Variants in OR10H1 observed in about 807,000 individuals in gnomAD.
The protein encoded by OR10H1 is olfactory receptor 10H1.
Under a neutral mutation model 13.1 loss-of-function variants are expected in OR10H1, and 12 were observed. The observed-to-expected ratio is 0.92, with a 90% CI of 0.59 to 1.48. The LOEUF (loss-of-function observed/expected upper bound fraction) is 1.48, where lower values mean the gene tolerates loss of function less well. Among genes scored for constraint, OR10H1 ranks in the 40% most tolerant of loss-of-function variants. The pLI is 0.00. For missense variants in OR10H1, 363 were observed against 413.1 expected (o/e 0.88, Z 1.05); for synonymous variants, 168 against 175.6 (o/e 0.96, Z 0.34).
intron 1 of OR10H1, among the ~76,000 whole-genome samples, chr19:15,814,216 G>A (rs1393913415): frequency 2.6e-5 from 4 of 152,022 alleles, no homozygotes; most frequent in African/African-American, 9.7e-5. Context: ...GTCCTTATAC[G>A]TTGTCACGTG....
In OR10H1 at chr19:15,807,884, C is replaced by G. The variant is rs61746478; in HGVS notation, c.154G>C (p.Glu52Gln). Residue 52 changes from glutamate to glutamine, a missense_variant, in exon 4 of 4, where the codon GAG (glutamate) becomes CAG (glutamine). By Grantham distance (29) the Glu-to-Gln change is conservative. Transcript: ENST00000641419. The stretch of plus-strand genomic sequence containing the variant: ...TACATGGGCGTGTGGAGGCTGCGCT[C>G]GCTCCAGACGGTGGCCATGATGAGC... ...NLLIMATVWS[E>Q]RSLHTPMYLF... is the part of the protein sequence containing the mutation. 7.4e-3 allele frequency: 11,943 copies of G among 1,613,524 alleles called. 107 individuals are homozygous for G. Among genetic ancestry groups the G allele is most frequent in the South Asian group, 0.027 (2,466 of 91,030 alleles).
At chr19:15,815,238 G>A (rs1385081539) in intron 1 of OR10H1, among the ~76,000 whole-genome samples, 1 of 152,106 alleles carries the variant, frequency 6.6e-6, no homozygotes, top group African/African-American at 2.4e-5. Flanking sequence ...CTACTCAGGA[G>A]GCTGAGGGAG....
At position 15,805,584 on chromosome 19, in the gene OR10H1, A is replaced by G. The variant is rs2088891668; in HGVS notation, c.*1497T>C. ...TGTCTCAGCCTCCTGAGTAGCTGGG[A>G]TTACAGGCACCTGCCACCACGCCTG... On this transcript the variant is annotated 3_prime_UTR_variant, in exon 4 of 4. Coordinates refer to ENST00000641419, the MANE Select transcript of OR10H1 (RefSeq NM_013940.4). The G allele has an allele frequency of 6.6e-6, 1 of 150,850 alleles. No individual in the cohort carries two copies. Among genetic ancestry groups the G allele is most frequent in the African/African-American group, 2.4e-5 (1 of 40,886 alleles). 9.3% of individuals were successfully genotyped at this position (150,850 alleles called of 1,614,324 possible). A position where few individuals can be genotyped will look rare whatever the true frequency, so the allele number is the denominator to read the frequency against.
chr19:15,809,635 C>T (rs557222907), intron 2 of OR10H1, among the ~76,000 whole-genome samples: 53 of 152,160 alleles, frequency 3.5e-4, no homozygotes, highest in African/African-American at 1.3e-3. Flanking sequence ...CTCTCTGTAC[C>T]TCCCTACCTC....
At chr19:15,815,122 C>T (rs542126396) in intron 1 of OR10H1, among the ~76,000 whole-genome samples, 2 of 151,996 alleles carry the variant, frequency 1.3e-5, no homozygotes, top group Admixed American at 6.6e-5. Flanking sequence ...GGGTGGATCA[C>T]GAGATCAGGA....
In OR10H1 at chr19:15,804,976, T is replaced by C. The variant is rs907002365; in HGVS notation, c.*2105A>G. 2.6e-5 allele frequency: 4 copies of C among 152,272 alleles called. No individual in the cohort carries two copies. The highest frequency in any genetic ancestry group is 4.8e-5 in the African/African-American group (2 of 41,478). 9.4% of individuals were successfully genotyped at this position (152,272 alleles called of 1,614,324 possible). On this transcript the variant is annotated 3_prime_UTR_variant, in exon 4 of 4. Transcript: ENST00000641419. ...TTTGCATTTCTCTGATGGCCAGTGA[T>C]GACGAGCATTTTTTCATATGTTTTT...
rs556534787 is a variant in OR10H1, at chr19:15,813,925, G to T, written c.-777-1047C>A. Among the ~76,000 whole-genome samples the T allele has an allele frequency of 2.0e-5, 3 of 152,100 alleles. No individual in the cohort carries two copies. In the East Asian group the frequency reaches 5.8e-4, roughly 29 times the overall value. Reference sequence around the variant, plus strand: ...GGGAAAGAGAAGAAAAAGGTGAGAAGAAAGAGAGAGAGCAAGCAAGCCCAC... The same window carrying T: ...GGGAAAGAGAAGAAAAAGGTGAGAATAAAGAGAGAGAGCAAGCAAGCCCAC... On this transcript the variant is annotated intron_variant, in intron 1 of 3. Coordinates refer to ENST00000641419, the MANE Select transcript of OR10H1 (RefSeq NM_013940.4).
rs143971774 is a variant in OR10H1 at position 15,805,855 on chromosome 19, C to G, written c.*1226G>C. ...TTCTAACACAGCATTCGGTATCTCA[C>G]AGTGTGACTTTTTTCCTTGATCCAA... On this transcript the variant is annotated 3_prime_UTR_variant, in exon 4 of 4. Transcript: ENST00000641419. The G allele has an allele frequency of 1.7e-5, 1 of 58,394 alleles. No homozygotes were observed. The allele number at this position is 58,394 out of a possible 1,614,324, so 3.6% of individuals were successfully genotyped here.
intron 1 of OR10H1, among the ~76,000 whole-genome samples, chr19:15,815,306 A>T (rs1174550262): frequency 6.7e-6 from 1 of 148,834 alleles, no homozygotes; most frequent in Non-Finnish European, 1.5e-5. Flanking sequence ...GCGCCACTGC[A>T]CTCCAGCCTG....
rs371545486 is a variant in OR10H1, at chr19:15,812,742, G to GAGGA, written c.-645_-642dup. 11,565 of 147,962 alleles carry GAGGA rather than the reference G, an allele frequency of 0.078. 582 individuals are homozygous for GAGGA. The highest frequency in any genetic ancestry group is 0.12 in the Middle Eastern group (32 of 278). The allele number at this position is 147,962 out of a possible 1,614,324, so 9.2% of individuals were successfully genotyped here. On this transcript the variant is annotated 5_prime_UTR_variant, in exon 2 of 4. It removes the in-frame stop codon of an upstream open reading frame in the 5' UTR. Coordinates refer to ENST00000641419, the MANE Select transcript of OR10H1 (RefSeq NM_013940.4). ...GAAACGAGGGAGGGAGGAATGGAGG[G>GAGGA]AGGAAGGAAGGGAGGGAGGGAGAAA... is the stretch of plus-strand genomic sequence containing the variant.
intron 2 of OR10H1, among the ~76,000 whole-genome samples, chr19:15,811,284 C>T (rs1423068259): frequency 6.6e-6 from 1 of 152,180 alleles, no homozygotes; most frequent in East Asian, 1.9e-4. Context: ...AAGAAGAGGC[C>T]AAATGGGCGA....
chr19:15,807,697 A>G lies in OR10H1; in HGVS notation c.341T>C (p.Leu114Pro). ...GCGGTCGTAGCCCATGACGGTGAGC[A>G]GGAAGGAGTGGGTGAAGCCGAAGCT... ...SFSFGFTHSF[L>P]LTVMGYDRYV... The change falls in exon 4 of 4, where the codon CTG (leucine) becomes CCG (proline). Residue 114 changes from leucine (L) to proline (P), a missense_variant. This residue lies in a region of OR10H1 where 318 missense variants were observed against 366.6 expected (regional missense o/e 0.87). Coordinates refer to ENST00000641419, the MANE Select transcript of OR10H1 (RefSeq NM_013940.4). 1.2e-6 allele frequency: 2 copies of G among 1,613,996 alleles called. No individual in the cohort carries two copies. Among genetic ancestry groups the G allele is most frequent in the Non-Finnish European group, 1.7e-6 (2 of 1,179,942 alleles).
In OR10H1 at chr19:15,807,623, G is replaced by T. The variant is rs8103631; in HGVS notation, c.415C>A (p.Arg139=). Residue 139 remains arginine (R), a synonymous_variant, in exon 4 of 4, where the codon CGG becomes AGG. Coordinates refer to ENST00000641419, the MANE Select transcript of OR10H1 (RefSeq NM_013940.4). ...CAGCCCACCAGGCAGGCGCAGCCCC[G>T]CGGGCTCATGAGCACGTTGTAGCGC... is the stretch of plus-strand genomic sequence containing the variant. ...PLRYNVLMSP[R]GCACLVGCSW... is the part of the protein sequence containing the mutation. 2.5e-6 allele frequency: 4 copies of T among 1,614,196 alleles called. No individual in the cohort carries two copies. The highest frequency in any genetic ancestry group is 1.3e-5 in the African/African-American group (1 of 75,050).
chr19:15,811,717 G>T (rs747231363), intron 2 of OR10H1, among the ~76,000 whole-genome samples: 3 of 152,094 alleles, frequency 2.0e-5, no homozygotes, highest in Non-Finnish European at 2.9e-5. Flanking sequence ...TCTTCCCAAG[G>T]CATATTAAGC....
rs564829884 is a variant in OR10H1, at chr19:15,806,418, G to T, written c.*663C>A. 6.6e-6 allele frequency: 1 copy of T among 152,350 alleles called. No individual in the cohort carries two copies. Among genetic ancestry groups the T allele is most frequent in the Non-Finnish European group, 1.5e-5 (1 of 68,132 alleles). 9.4% of individuals were successfully genotyped at this position (152,350 alleles called of 1,614,324 possible). On this transcript the variant is annotated 3_prime_UTR_variant, in exon 4 of 4. Transcript: ENST00000641419. ...GTTCATGGATTGTCTTTCTTTTAGGGGGGAAGGGATAGGGTCTCACTCTGT... is the reference window on the plus strand; with the variant it reads ...GTTCATGGATTGTCTTTCTTTTAGGTGGGAAGGGATAGGGTCTCACTCTGT...
rs754728990 is a variant in OR10H1 at position 15,807,831 on chromosome 19, G to C, written c.207C>G (p.Ser69=). 1.2e-6 allele frequency: 2 copies of C among 1,607,298 alleles called. No homozygotes were observed. Among genetic ancestry groups the C allele is most frequent in the Non-Finnish European group, 1.7e-6 (2 of 1,174,722 alleles). The change falls in exon 4 of 4, where the codon TCC becomes TCG. Residue 69 remains serine (S), a synonymous_variant. Transcript: ENST00000641419. The part of the protein sequence containing the change: ...MYLFLCALSV[S]EILYTVAIIP... ...TGATGGCCACGGTGTAGAGGATCTC[G>C]GAGACGGAGAGGGCGCACAGGAAGA...
intron 1 of OR10H1, among the ~76,000 whole-genome samples, chr19:15,814,445 T>TTGTGTGTGTGTGTGTGTG (rs148400110): frequency 9.8e-6 from 1 of 101,968 alleles, no homozygotes; most frequent in Non-Finnish European, 1.9e-5. Context: ...GACGCCTCCC[T>TTGTGTGTGTGTGTGTGTG]TGTGTGTGTG....
chr19:15,814,468 T>A (rs2088952414), intron 1 of OR10H1, among the ~76,000 whole-genome samples: 1 of 106,352 alleles, frequency 9.4e-6, no homozygotes, highest in Non-Finnish European at 2.0e-5. Context: ...TGTGTGTGTG[T>A]GTGTGTGTGT....
At chr19:15,814,300 A>T (rs1599315027) in intron 1 of OR10H1, among the ~76,000 whole-genome samples, 1 of 151,258 alleles carries the variant, frequency 6.6e-6, no homozygotes, top group African/African-American at 2.4e-5. Flanking sequence ...CTTAACTCTC[A>T]CCCATCCTGG....
Sources: allele counts gnomAD v4.1 joint callset (sites outside exome capture counted in the v4.1 genomes callset), GRCh38; gene constraint gnomAD v4.1.1; regional missense constraint gnomAD v4.1.1; transcripts MANE v1.5; gene names NCBI Gene and HGNC (gene_info 2026-07-23, HGNC 2026-07-21).